TRPC1: variants seen among roughly 807,000 people sequenced by gnomAD.
TRPC1 encodes short transient receptor potential channel 1.
A neutral mutation model predicts 88.2 loss-of-function variants in TRPC1; 42 were observed. The observed-to-expected ratio is 0.48, with a 90% confidence interval of 0.37 to 0.62. The LOEUF (loss-of-function observed/expected upper bound fraction) is 0.62. TRPC1 is among the 20% of genes least tolerant of loss of function. The pLI, the probability that TRPC1 is intolerant of heterozygous loss-of-function variation, is 0.00. For synonymous variants in TRPC1, 288 were observed against 331.8 expected (o/e 0.87, Z 1.43); for missense variants, 699 against 957.3 (o/e 0.73, Z 3.56).
chr3:142,758,242 A>T (rs1381246459), intron 4 of TRPC1, among the ~76,000 whole-genome samples: 2 of 152,104 alleles, frequency 1.3e-5, no homozygotes, highest in Non-Finnish European at 2.9e-5. Flanking sequence ...AATTATTTAC[A>T]TTTCCAGCAA....
intron 6 of TRPC1, 93 bp downstream of exon 6, chr3:142,781,122 G>C: frequency 9.5e-7 from 1 of 1,050,008 alleles, no homozygotes; most frequent in Non-Finnish European, 1.3e-6. Flanking sequence ...TCTGGGTTAA[G>C]ATCCTAGTTC....
intron 9 of TRPC1, among the ~76,000 whole-genome samples, chr3:142,794,550 C>A (rs975603946): frequency 1.3e-5 from 2 of 152,152 alleles, no homozygotes; most frequent in African/African-American, 4.8e-5. Flanking sequence ...AAAGATCACT[C>A]CAGCTTACTG....
chr3:142,748,509 A>C, intron 4 of TRPC1, 49 bp downstream of exon 4: 2 of 1,563,862 alleles, frequency 1.3e-6, no homozygotes, highest in Non-Finnish European at 1.8e-6. Flanking sequence ...TATATCAACA[A>C]TGTTGATTTT....
intron 2 of TRPC1, 106 bp downstream of exon 2, chr3:142,736,639 TTC>T: frequency 9.9e-7 from 1 of 1,008,754 alleles, no homozygotes; most frequent in Non-Finnish European, 1.4e-6. Flanking sequence ...TCTTCTTCCT[TTC>T]TTTTTCTTTC....
At chr3:142,743,671 ATTTAT>A in intron 3 of TRPC1, 85 bp downstream of exon 3, 1 of 801,188 alleles carries the variant, frequency 1.2e-6, no homozygotes, top group African/African-American at 1.8e-5. Context: ...CTTCCCTCAA[ATTTAT>A]TTTGTTTTTT....
At chr3:142,729,500 G>T (rs555398331) in intron 1 of TRPC1, among the ~76,000 whole-genome samples, 9 of 152,216 alleles carry the variant, frequency 5.9e-5, no homozygotes, top group African/African-American at 2.2e-4. Context: ...AACTTAAATG[G>T]CCTATATGTG....
intron 4 of TRPC1, among the ~76,000 whole-genome samples, chr3:142,774,576 G>C (rs1935690611): frequency 6.6e-6 from 1 of 152,192 alleles, no homozygotes; most frequent in African/African-American, 2.4e-5. Flanking sequence ...CTGGGGGCAG[G>C]GGTGATGGAG....
intron 10 of TRPC1, among the ~76,000 whole-genome samples, chr3:142,803,169 G>C (rs1321114919): frequency 6.6e-6 from 1 of 152,198 alleles, no homozygotes; most frequent in Non-Finnish European, 1.5e-5. Context: ...ATGAGCAAAA[G>C]AGTGTCTGTG....
intron 4 of TRPC1, among the ~76,000 whole-genome samples, chr3:142,764,274 G>A (rs72988639): frequency 0.07 from 10,616 of 151,862 alleles, 1,209 homozygotes; most frequent in African/African-American, 0.24. Flanking sequence ...TCACACTAGA[G>A]ATATGAATGG....
At chr3:142,768,900 A>G (rs975353500) in intron 4 of TRPC1, among the ~76,000 whole-genome samples, 17 of 152,150 alleles carry the variant, frequency 1.1e-4, no homozygotes, top group African/African-American at 4.1e-4. Flanking sequence ...ACAATAATGC[A>G]GTATTATAAT....
In TRPC1 at chr3:142,767,780, A is replaced by G. The variant is rs1163936435; in HGVS notation, c.633-9852A>G. Among the ~76,000 whole-genome samples, 4 of 151,862 alleles carry G rather than the reference A, an allele frequency of 2.6e-5. No individual in the cohort carries two copies. Among genetic ancestry groups the G allele is most frequent in the East Asian group, 1.9e-4 (1 of 5,178 alleles). ...GTCCCTACGGATGTACCTGTTCTGG[A>G]TATTTCATATGAATGACATCTTTTG... is the stretch of plus-strand genomic sequence containing the variant. On this transcript the variant is annotated intron_variant, in intron 4 of 12. Coordinates refer to ENST00000476941, the MANE Select transcript of TRPC1 (RefSeq NM_001251845.2). This position sits in a 1 kb window ranked among gnomAD's most constrained non-coding sequence, Gnocchi z 5.1.
intron 9 of TRPC1, among the ~76,000 whole-genome samples, chr3:142,795,443 A>C (rs112129690): frequency 9.9e-5 from 15 of 152,062 alleles, no homozygotes; most frequent in African/African-American, 3.6e-4. Flanking sequence ...AATCAGTGAT[A>C]AAAAAAATCT....
intron 1 of TRPC1, among the ~76,000 whole-genome samples, chr3:142,725,767 T>TTTTG (rs535931709): frequency 1.4e-4 from 22 of 152,122 alleles, no homozygotes; most frequent in Non-Finnish European, 2.2e-4. Flanking sequence ...TACACAGGAT[T>TTTTG]TTTGTTTGTT....
Position 142,791,002 on chromosome 3 carries a change from T to A in TRPC1, c.1298-17T>A, listed in dbSNP as rs752551690. On this transcript the variant is annotated splice_polypyrimidine_tract_variant and intron_variant, in intron 7 of 12. Coordinates refer to ENST00000476941, the MANE Select transcript of TRPC1 (RefSeq NM_001251845.2). ...AATTAAGAAAGTGTTATCTGATTTT[T>A]TTCTTCCTTTTCTCAGGGATGATTT... The A allele has an allele frequency of 6.5e-7, 1 of 1,547,052 alleles. No individual in the cohort carries two copies. Among genetic ancestry groups the A allele is most frequent in the Admixed American group, 2.1e-5 (1 of 47,366 alleles).
intron 1 of TRPC1, among the ~76,000 whole-genome samples, chr3:142,735,587 A>C (rs1426611606): frequency 6.6e-6 from 1 of 152,192 alleles, no homozygotes. Context: ...GGCCTTGCTG[A>C]AAATAATTAC....
intron 1 of TRPC1, among the ~76,000 whole-genome samples, chr3:142,734,612 G>A (rs1934050874): frequency 6.6e-6 from 1 of 152,082 alleles, no homozygotes; most frequent in Non-Finnish European, 1.5e-5. Flanking sequence ...TGAAAATACT[G>A]AAGAATTAAT....
intron 4 of TRPC1, among the ~76,000 whole-genome samples, chr3:142,758,300 A>T (rs76677995): frequency 0.11 from 16,201 of 152,100 alleles, 1,029 homozygotes; most frequent in Non-Finnish European, 0.15. Flanking sequence ...TGCATTTGTT[A>T]TTGTGTGCCA....
At position 142,724,394 on chromosome 3, in the gene TRPC1, C is replaced by G. The variant is rs1357634342; in HGVS notation, c.-166C>G. On this transcript the variant is annotated 5_prime_UTR_variant, in exon 1 of 13. Coordinates refer to ENST00000476941, the MANE Select transcript of TRPC1 (RefSeq NM_001251845.2). The surrounding 1 kb of genome is among the most constrained non-coding windows in gnomAD (Gnocchi z 5.6). ...TGTCAGTGGAGGGCGAGTGCTGGTT[C>G]TCAGGGGAGGCGACGCCCTTCGGGG... 2.8e-5 allele frequency: 16 copies of G among 565,144 alleles called. No individual in the cohort carries two copies. Among genetic ancestry groups the G allele is most frequent in the Non-Finnish European group, 4.6e-5 (16 of 348,696 alleles). 35.0% of individuals were successfully genotyped at this position (565,144 alleles called of 1,614,324 possible).
chr3:142,755,430 A>G (rs1934929203), intron 4 of TRPC1, among the ~76,000 whole-genome samples: 1 of 152,232 alleles, frequency 6.6e-6, no homozygotes, highest in Admixed American at 6.5e-5. Context: ...CATCTAAAAA[A>G]GAAAGAAAGA....
Sources: allele counts gnomAD v4.1 joint callset (sites outside exome capture counted in the v4.1 genomes callset), GRCh38; gene constraint gnomAD v4.1.1; non-coding constraint Gnocchi (gnomAD v3.1); transcripts MANE v1.5; gene names NCBI Gene and HGNC (gene_info 2026-07-23, HGNC 2026-07-21).